The following PGAP1 variants were observed in gnomAD, a reference collection of about 807,000 sequenced individuals.
The protein encoded by PGAP1 is post-GPI attachment to proteins inositol deacylase 1, also known as GPI inositol-deacylase.
A neutral mutation model predicts 127.0 loss-of-function variants in PGAP1; 76 were observed. The observed-to-expected ratio is 0.60, with a 90% CI of 0.50 to 0.72. The LOEUF is 0.72. Ranked by LOEUF, PGAP1 falls within the 30% of genes least tolerant of loss-of-function variation. PGAP1 has a pLI of 0.00. For synonymous variants in PGAP1, 362 were observed against 366.5 expected, an observed-to-expected ratio of 0.99 and a Z score of 0.14; for missense variants, 982 against 1,071.3, an observed-to-expected ratio of 0.92 and a Z score of 1.16.
Position 196,844,586 on chromosome 2 carries a change from A to G in PGAP1, c.2287-12T>C, listed in dbSNP as rs1277778972. On this transcript the variant is annotated splice_polypyrimidine_tract_variant and intron_variant, in intron 23 of 26. Coordinates refer to ENST00000354764, the MANE Select transcript of PGAP1 (RefSeq NM_024989.4). ...TGCAGATGAACAACCTAAGAAAAAT[A>G]AATTGCTCTTTAATTTTACTTTTAT... 1.3e-6 allele frequency: 2 copies of G among 1,574,302 alleles called. No homozygotes were observed. The highest frequency in any genetic ancestry group is 3.7e-5 in the Admixed American group (2 of 54,352).
chr2:196,852,629 A>T (rs1303329515), intron 20 of PGAP1, among the ~76,000 whole-genome samples: 1 of 152,046 alleles, frequency 6.6e-6, no homozygotes, highest in Admixed American at 6.5e-5. Flanking sequence ...GATGTACTTA[A>T]AGGTGTTTCA....
At chr2:196,847,268 G>T (rs1254555231) in intron 21 of PGAP1, 68 bp from the exon 22 acceptor site, 7 of 1,190,662 alleles carry the variant, frequency 5.9e-6, no homozygotes, top group Admixed American at 4.3e-5. Flanking sequence ...AATATTTGAG[G>T]TGTCTGACTA....
At chr2:196,873,925 T>G (rs1158215268) in intron 14 of PGAP1, 167 bp from the exon 15 acceptor site, 2 of 506,214 alleles carry the variant, frequency 4.0e-6, no homozygotes, top group African/African-American at 3.9e-5. Context: ...AGCAATAAAC[T>G]CTAGACAAAA....
chr2:196,842,861 A>C, intron 25 of PGAP1, 36 bp from the exon 26 acceptor site: 2 of 974,022 alleles, frequency 2.1e-6, no homozygotes, highest in Non-Finnish European at 3.1e-6. Flanking sequence ...CAAATCAACA[A>C]TGACCTGATC....
At chr2:196,881,732 T>G (rs994728834) in intron 12 of PGAP1, among the ~76,000 whole-genome samples, 1 of 152,228 alleles carries the variant, frequency 6.6e-6, no homozygotes, top group Non-Finnish European at 1.5e-5. Context: ...ATCTTGTAAA[T>G]TTGTTTAACT....
At chr2:196,913,712 A>T (rs1283201851) in intron 3 of PGAP1, among the ~76,000 whole-genome samples, 1 of 152,172 alleles carries the variant, frequency 6.6e-6, no homozygotes, top group African/African-American at 2.4e-5. Flanking sequence ...CTCAATGAAT[A>T]GACTGAATCT....
intron 19 of PGAP1, among the ~76,000 whole-genome samples, chr2:196,869,362 G>GTC (rs903818990): frequency 1.3e-5 from 2 of 152,002 alleles, no homozygotes; most frequent in Non-Finnish European, 2.9e-5. Flanking sequence ...TTGAGATGGA[G>GTC]TCTTGCTCTG....
rs2125769756 is a variant in PGAP1 at position 196,835,584 on chromosome 2, A to C, written c.*5650T>G. 6.6e-6 allele frequency: 1 copy of C among 152,600 alleles called. No individual in the cohort carries two copies. Among genetic ancestry groups the C allele is most frequent in the Non-Finnish European group, 1.5e-5 (1 of 67,884 alleles). 9.5% of individuals were successfully genotyped at this position (152,600 alleles called of 1,614,324 possible). On this transcript the variant is annotated 3_prime_UTR_variant, in exon 27 of 27. Coordinates refer to ENST00000354764, the MANE Select transcript of PGAP1 (RefSeq NM_024989.4). ...AAGAAAAATTAGGGTATGAAATATA[A>C]GTTTTCATGGTTTAAACATTTATTG...
At position 196,847,942 on chromosome 2, in the gene PGAP1, C is replaced by G; in HGVS notation, c.1952+5G>C. The G allele has an allele frequency of 1.3e-6, 2 of 1,544,820 alleles. No homozygotes were observed. Among genetic ancestry groups the G allele is most frequent in the Non-Finnish European group, 1.7e-6 (2 of 1,144,284 alleles). Reference sequence around the variant, plus strand: ...AAAATCATTATCACAGATAATAAAACTTACCCCAACAGAAACTTAATGATA... The same window carrying G: ...AAAATCATTATCACAGATAATAAAAGTTACCCCAACAGAAACTTAATGATA... On this transcript the variant is annotated splice_donor_5th_base_variant and intron_variant, in intron 21 of 26. Transcript: ENST00000354764.
chr2:196,913,487 T>C lies in PGAP1; in HGVS notation c.478-434A>G, dbSNP rs576201337. On this transcript the variant is annotated intron_variant, in intron 3 of 26. Coordinates refer to ENST00000354764, the MANE Select transcript of PGAP1 (RefSeq NM_024989.4). ...GATAGCAATATATTACCTTATCATG[T>C]TGTTATCTTTTATCTCATCAAATTA... 3.1e-4 allele frequency among the ~76,000 whole-genome samples: 47 copies of C among 152,394 alleles called. 1 individual carries two copies. The highest frequency in any genetic ancestry group is 7.2e-4 in the Admixed American group (11 of 15,310).
At chr2:196,926,311 G>A (rs148386754) in intron 1 of PGAP1, among the ~76,000 whole-genome samples, 159 bp downstream of exon 1, 22 of 151,858 alleles carry the variant, frequency 1.4e-4, no homozygotes, top group African/African-American at 4.8e-4. Context: ...GGGGCAGAAG[G>A]GGGATGCAGA....
rs963651695 is a variant in PGAP1 at position 196,926,629 on chromosome 2, A to G, written c.-13T>C. 6.2e-6 allele frequency: 10 copies of G among 1,607,614 alleles called. No homozygotes were observed. The highest frequency in any genetic ancestry group is 4.5e-5 in the East Asian group (2 of 44,592). Reference sequence around the variant, plus strand: ...AGTGAAGAAACATGGTGCCGCCACCACCGCCGCCGCCGCCGCCGCCCCCTC... The same window carrying G: ...AGTGAAGAAACATGGTGCCGCCACCGCCGCCGCCGCCGCCGCCGCCCCCTC... On this transcript the variant is annotated 5_prime_UTR_variant, in exon 1 of 27. Transcript: ENST00000354764.
rs370393202 is a variant in PGAP1 at position 196,893,104 on chromosome 2, C to T, written c.1033+36G>A. 4.0e-6 allele frequency: 5 copies of T among 1,236,050 alleles called. No homozygotes were observed. The African/African-American group carries it at 7.6e-5, about 19-fold the overall frequency. 76.6% of individuals were successfully genotyped at this position (1,236,050 alleles called of 1,614,324 possible). ...TTTACCTAAGATTAATAATGAAATA[C>T]TTCATTTAAAATTAAAATATGTTAT... On this transcript the variant is annotated intron_variant, in intron 8 of 26. Coordinates refer to ENST00000354764, the MANE Select transcript of PGAP1 (RefSeq NM_024989.4).
intron 1 of PGAP1, among the ~76,000 whole-genome samples, chr2:196,926,064 T>G (rs969036861): frequency 3.3e-5 from 5 of 151,050 alleles, no homozygotes; most frequent in African/African-American, 4.9e-5. Flanking sequence ...GGGGCACGGG[T>G]TAAGGCAAGA....
At chr2:196,854,977 A>G (rs1251662058) in intron 20 of PGAP1, among the ~76,000 whole-genome samples, 1 of 146,786 alleles carries the variant, frequency 6.8e-6, no homozygotes, top group African/African-American at 2.5e-5. Context: ...TTTTTTTTGT[A>G]GAAACGGGGC....
At chr2:196,857,987 A>G (rs1248957418) in intron 20 of PGAP1, among the ~76,000 whole-genome samples, 5 of 152,158 alleles carry the variant, frequency 3.3e-5, no homozygotes, top group African/African-American at 1.2e-4. Context: ...ACAAATAAAC[A>G]TCATTTTCCT....
intron 5 of PGAP1, 53 bp downstream of exon 5, chr2:196,902,532 C>T: frequency 1.4e-6 from 2 of 1,454,190 alleles, no homozygotes; most frequent in South Asian, 2.6e-5. Flanking sequence ...TTCTTTCATG[C>T]TCCACTGGGT....
intron 20 of PGAP1, among the ~76,000 whole-genome samples, chr2:196,860,120 T>G (rs1178036892): frequency 6.7e-6 from 1 of 150,374 alleles, no homozygotes. Context: ...ACCTGAAAAC[T>G]CCACCAAAAA....
At chr2:196,863,633 A>T (rs1701140020) in intron 20 of PGAP1, among the ~76,000 whole-genome samples, 1 of 152,164 alleles carries the variant, frequency 6.6e-6, no homozygotes, top group Non-Finnish European at 1.5e-5. Flanking sequence ...AGAAGAAATA[A>T]GGTCTAGCAT....
Sources: allele counts gnomAD v4.1 joint callset (sites outside exome capture counted in the v4.1 genomes callset), GRCh38; gene constraint gnomAD v4.1.1; transcripts MANE v1.5; gene names NCBI Gene and HGNC (gene_info 2026-07-23, HGNC 2026-07-21).